Variants in MPZL1 observed in about 807,000 individuals in gnomAD.
MPZL1 encodes the protein myelin protein zero like 1, also known as myelin protein zero-like protein 1.
MPZL1 carries 16 observed loss-of-function variants against 29.3 expected under a neutral mutation model. The observed-to-expected ratio is 0.55, with a 90% CI of 0.37 to 0.83. The LOEUF (loss-of-function observed/expected upper bound fraction) is 0.83, where lower values mean the gene tolerates loss of function less well. MPZL1 is among the 40% of genes least tolerant of loss of function. The pLI is 0.00. For synonymous variants in MPZL1, 143 were observed against 132.0 expected, an observed-to-expected ratio of 1.08 and a Z score of -0.57; for missense variants, 279 against 332.9, an observed-to-expected ratio of 0.84 and a Z score of 1.26.
chr1:167,757,897 C>A (rs530354433), intron 1 of MPZL1, among the ~76,000 whole-genome samples: 1 of 152,236 alleles, frequency 6.6e-6, no homozygotes, highest in African/African-American at 2.4e-5. Flanking sequence ...CACCTTTAGT[C>A]CCAGCACTTT....
At position 167,776,122 on chromosome 1, in the gene MPZL1, G is replaced by A. The variant is rs1024099233; in HGVS notation, c.664G>A (p.Asp222Asn). 48 of 1,612,502 alleles carry A rather than the reference G, an allele frequency of 3.0e-5. No individual in the cohort carries two copies. The highest frequency in any genetic ancestry group is 6.7e-5 in the African/African-American group (5 of 74,808). The change falls in exon 5 of 6, where the codon GAC becomes AAC. Residue 222 changes from aspartate (D) to asparagine (N), a missense_variant. Physicochemically the swap from Asp to Asn is conservative, Grantham distance 23 (BLOSUM62 1). Coordinates refer to ENST00000359523, the MANE Select transcript of MPZL1 (RefSeq NM_003953.6). ...GCAGGCTCCTCGGAAGTCCCCCTCCGACACTGAGGGTCTTGTAAAGAGTCT... is the reference window on the plus strand; with the variant it reads ...GCAGGCTCCTCGGAAGTCCCCCTCCAACACTGAGGGTCTTGTAAAGAGTCT... ...VKQAPRKSPS[D>N]TEGLVKSLPS...
At chr1:167,773,109 A>C in intron 3 of MPZL1, 127 bp from the exon 4 acceptor site, 1 of 911,104 alleles carries the variant, frequency 1.1e-6, no homozygotes, top group Non-Finnish European at 1.7e-6. Flanking sequence ...GTAGGATCTC[A>C]TAGTTTGGAT....
rs765882268 is a variant in MPZL1, at chr1:167,773,278, T to C, written c.515T>C (p.Val172Ala). The C allele has an allele frequency of 1.2e-6, 2 of 1,613,672 alleles. No homozygotes were observed. The highest frequency in any genetic ancestry group is 2.2e-5 in the South Asian group (2 of 91,080). ...CCAGTTTGGGTAGTGGTGGGCATAG[T>C]TACTGCTGTGGTCCTAGGTCTCACT... ...VFPVWVVVGI[V>A]TAVVLGLTLL... The change falls in exon 4 of 6, where the codon GTT becomes GCT. Residue 172 changes from valine (V) to alanine (A), a missense_variant. Coordinates refer to ENST00000359523, the MANE Select transcript of MPZL1 (RefSeq NM_003953.6).
At chr1:167,766,382 C>A (rs75194574) in intron 2 of MPZL1, among the ~76,000 whole-genome samples, 11 of 152,106 alleles carry the variant, frequency 7.2e-5, no homozygotes, top group Non-Finnish European at 1.5e-4. Flanking sequence ...AACTGACTAT[C>A]TTGGTTCTGG....
chr1:167,787,239 A>G (rs1022997530), intron 5 of MPZL1: 4 of 152,254 alleles, frequency 2.6e-5, no homozygotes, highest in Non-Finnish European at 5.9e-5. Context: ...ATTGGTCACA[A>G]TACGCTCAGA....
At chr1:167,728,678 C>T (rs1414627350) in intron 1 of MPZL1, among the ~76,000 whole-genome samples, 1 of 152,072 alleles carries the variant, frequency 6.6e-6, no homozygotes, top group East Asian at 1.9e-4. Flanking sequence ...CCTTATGATA[C>T]CTCTGATCTT....
chr1:167,776,202 TC>T (rs1661364593), intron 5 of MPZL1, 36 bp downstream of exon 5: 6 of 1,489,412 alleles, frequency 4.0e-6, no homozygotes, highest in African/African-American at 1.4e-5. Context: ...ACTGCACTGT[TC>T]CCTACAGCTT....
intron 1 of MPZL1, among the ~76,000 whole-genome samples, chr1:167,723,744 C>T (rs1265215179): frequency 6.6e-6 from 1 of 152,158 alleles, no homozygotes; most frequent in Non-Finnish European, 1.5e-5. Context: ...GGACGTAACT[C>T]TTCAGTAATG....
In MPZL1 at chr1:167,722,035, G is replaced by A; in HGVS notation, c.-117G>A. Reference sequence around the variant, plus strand: ...GGAGTGGGGAGCGCGGCGTGGAGGTGCCACCCGGCGCGGGTGGCGGAGAGA... The same window carrying A: ...GGAGTGGGGAGCGCGGCGTGGAGGTACCACCCGGCGCGGGTGGCGGAGAGA... On this transcript the variant is annotated 5_prime_UTR_variant, in exon 1 of 6. Coordinates refer to ENST00000359523, the MANE Select transcript of MPZL1 (RefSeq NM_003953.6). The A allele has an allele frequency of 2.5e-6, 3 of 1,218,554 alleles. No homozygotes were observed. Among genetic ancestry groups the A allele is most frequent in the Non-Finnish European group, 3.1e-6 (3 of 976,590 alleles). 75.5% of individuals were successfully genotyped at this position (1,218,554 alleles called of 1,614,324 possible). A position where few individuals can be genotyped will look rare whatever the true frequency, so the allele number is the denominator to read the frequency against.
At chr1:167,786,073 G>A (rs1265256169) in intron 5 of MPZL1, among the ~76,000 whole-genome samples, 6 of 152,236 alleles carry the variant, frequency 3.9e-5, no homozygotes, top group Admixed American at 1.3e-4. Flanking sequence ...GATTACAGGC[G>A]TGAGCCACCA....
rs1234219577 is a variant in MPZL1, at chr1:167,790,990, T to A, written c.*3069T>A. On this transcript the variant is annotated 3_prime_UTR_variant, in exon 6 of 6. Coordinates refer to ENST00000359523, the MANE Select transcript of MPZL1 (RefSeq NM_003953.6). ...GCCTGAAGCATGCCTTCTGCCAATA[T>A]TCCTGTGGTTTGCTCTCTGACTTCC... 6.6e-6 allele frequency: 1 copy of A among 152,206 alleles called. No individual in the cohort carries two copies. Among genetic ancestry groups the A allele is most frequent in the East Asian group, 1.9e-4 (1 of 5,188 alleles). The allele number at this position is 152,206 out of a possible 1,614,324, so 9.4% of individuals were successfully genotyped here.
chr1:167,787,776 G>A (rs1421205656), intron 5 of MPZL1, 44 bp from the exon 6 acceptor site: 23 of 1,457,026 alleles, frequency 1.6e-5, no homozygotes, highest in South Asian at 2.3e-5. Flanking sequence ...TGAAGGAACC[G>A]CCAGCGTTTT....
chr1:167,740,103 C>T (rs949502829), intron 1 of MPZL1, among the ~76,000 whole-genome samples: 8 of 152,186 alleles, frequency 5.3e-5, no homozygotes, highest in Admixed American at 3.3e-4. Flanking sequence ...CCTGGGAAAA[C>T]CCTACCATCT....
intron 1 of MPZL1, among the ~76,000 whole-genome samples, chr1:167,747,434 AGGCT>A (rs1660669359): frequency 6.6e-6 from 1 of 152,210 alleles, no homozygotes; most frequent in Admixed American, 6.5e-5. Context: ...TATGTTGCCC[AGGCT>A]GGTCTAGAAC....
At chr1:167,771,742 G>A (rs1458940973) in intron 2 of MPZL1, among the ~76,000 whole-genome samples, 1 of 152,140 alleles carries the variant, frequency 6.6e-6, no homozygotes, top group African/African-American at 2.4e-5. Flanking sequence ...GGCAGAGGCT[G>A]TAATCTTAGT....
intron 1 of MPZL1, among the ~76,000 whole-genome samples, chr1:167,724,707 C>T (rs931085236): frequency 1.3e-5 from 2 of 151,980 alleles, no homozygotes; most frequent in South Asian, 4.1e-4. Context: ...GTTTGAGATG[C>T]GGGTAAGACA....
chr1:167,735,331 A>G (rs1332677524), intron 1 of MPZL1, among the ~76,000 whole-genome samples: 1 of 152,202 alleles, frequency 6.6e-6, no homozygotes, highest in Non-Finnish European at 1.5e-5. Flanking sequence ...CCATACTTTT[A>G]CTACTGGAAA....
At chr1:167,779,797 A>G (rs552737597) in intron 5 of MPZL1, among the ~76,000 whole-genome samples, 48 of 152,320 alleles carry the variant, frequency 3.2e-4, no homozygotes, top group Admixed American at 7.2e-4. Flanking sequence ...TTCTAGAGCA[A>G]ACACTGAAAA....
At chr1:167,765,524 T>C (rs752492891) in intron 1 of MPZL1, 59 bp from the exon 2 acceptor site, 6 of 1,428,296 alleles carry the variant, frequency 4.2e-6, no homozygotes, top group African/African-American at 1.4e-5. Context: ...CTGGCAAAAA[T>C]GCACAGTGGT....
Sources: allele counts gnomAD v4.1 joint callset (sites outside exome capture counted in the v4.1 genomes callset), GRCh38; gene constraint gnomAD v4.1.1; transcripts MANE v1.5; gene names NCBI Gene and HGNC (gene_info 2026-07-23, HGNC 2026-07-21).